The following SUMF1 variants were observed in gnomAD, a reference collection of about 807,000 sequenced individuals.
SUMF1 encodes the protein formylglycine-generating enzyme.
Under a neutral mutation model 47.6 loss-of-function variants are expected in SUMF1, and 48 were observed. That is an observed-to-expected ratio of 1.01 (90% CI 0.80 to 1.28). The LOEUF (loss-of-function observed/expected upper bound fraction) is 1.28, where lower values mean the gene tolerates loss of function less well. Among genes scored for constraint, SUMF1 ranks in the 50% most tolerant of loss-of-function variants. The pLI, the probability that SUMF1 is intolerant of heterozygous loss-of-function variation, is 0.00. For missense variants in SUMF1, 571 were observed against 485.4 expected (o/e 1.18, Z -1.66); for synonymous variants, 230 against 192.1 (o/e 1.20, Z -1.63).
At chr3:4,294,782 G>A (rs1697813017) in intron 8 of SUMF1, among the ~76,000 whole-genome samples, 2 of 152,014 alleles carry the variant, frequency 1.3e-5, no homozygotes, top group Admixed American at 1.3e-4. Context: ...AACATGACAT[G>A]GAAACAGCAA....
intron 8 of SUMF1, chr3:4,303,321 C>T (rs1698021619): frequency 2.0e-6 from 3 of 1,470,434 alleles, no homozygotes; most frequent in African/African-American, 1.5e-5. Context: ...CCAGCATCCA[C>T]CGCGCGGCCC....
intron 8 of SUMF1, among the ~76,000 whole-genome samples, chr3:4,276,245 T>C (rs898178345): frequency 5.9e-5 from 9 of 152,238 alleles, no homozygotes; most frequent in African/African-American, 1.2e-4. Context: ...TAATATTTAT[T>C]GCATTTCCTA....
Position 4,401,085 on chromosome 3 carries a change from A to C in SUMF1, c.954+9780T>G, listed in dbSNP as rs575150438. On this transcript the variant is annotated intron_variant, in intron 7 of 8. Transcript: ENST00000272902. ...AGGTGTCTGGTTTTCTGTCCTTGTG[A>C]TAGTTTGCTAAGAATGATGGTTTCC... Among the ~76,000 whole-genome samples the C allele has an allele frequency of 1.7e-4, 26 of 150,478 alleles. No homozygotes were observed. In the Admixed American group the frequency reaches 1.7e-3, roughly 10 times the overall value.
chr3:4,402,978 G>A (rs1267249933), intron 7 of SUMF1, among the ~76,000 whole-genome samples: 1 of 152,204 alleles, frequency 6.6e-6, no homozygotes, highest in East Asian at 1.9e-4. Flanking sequence ...GTGAGATACT[G>A]TTCTTCATTA....
intron 7 of SUMF1, among the ~76,000 whole-genome samples, chr3:4,394,116 T>TTTA (rs1334733825): frequency 6.6e-6 from 1 of 152,096 alleles, no homozygotes; most frequent in Non-Finnish European, 1.5e-5. Flanking sequence ...TAGTTTTGTT[T>TTTA]TTATTATTAT....
chr3:4,118,955 G>A (rs1693479391), intron 8 of SUMF1, among the ~76,000 whole-genome samples: 1 of 151,962 alleles, frequency 6.6e-6, no homozygotes, highest in Admixed American at 6.5e-5. Context: ...TGTATCCCTT[G>A]AGCTTGACTT....
downstream of SUMF1, among the ~76,000 whole-genome samples, chr3:4,359,030 G>T (rs1699683636): frequency 1.3e-5 from 2 of 152,142 alleles, no homozygotes; most frequent in African/African-American, 4.8e-5. Flanking sequence ...TGAGTAATCT[G>T]CCTCTACCCC....
At chr3:4,165,053 G>A (rs1286305981) in intron 8 of SUMF1, among the ~76,000 whole-genome samples, 1 of 152,122 alleles carries the variant, frequency 6.6e-6, no homozygotes, top group African/African-American at 2.4e-5. Context: ...AGGTCCCAGT[G>A]GGGATGCATA....
chr3:4,328,056 A>G (rs1348338401), intron 8 of SUMF1, among the ~76,000 whole-genome samples: 1 of 152,036 alleles, frequency 6.6e-6, no homozygotes, highest in Non-Finnish European at 1.5e-5. Flanking sequence ...CCTGTACAAA[A>G]AAAAATTAAA....
At chr3:4,115,484 C>A (rs1693400811) in intron 8 of SUMF1, among the ~76,000 whole-genome samples, 1 of 152,070 alleles carries the variant, frequency 6.6e-6, no homozygotes, top group Non-Finnish European at 1.5e-5. Context: ...CTGTAACACA[C>A]ACCCACTGGG....
intron 3 of SUMF1, among the ~76,000 whole-genome samples, chr3:4,422,777 T>TA (rs1559290360): frequency 9.5e-4 from 143 of 150,786 alleles, no homozygotes; most frequent in African/African-American, 3.2e-3. Flanking sequence ...CTTTTTTTTT[T>TA]TAAAAAAAAT....
chr3:4,456,429 G>C (rs2079600162), intron 1 of SUMF1, among the ~76,000 whole-genome samples: 1 of 150,104 alleles, frequency 6.7e-6, no homozygotes, highest in African/African-American at 2.4e-5. Context: ...TGTTGTCCCT[G>C]ACTGTAGATG....
chr3:4,284,389 G>A (rs752203760), intron 8 of SUMF1, among the ~76,000 whole-genome samples: 43 of 146,214 alleles, frequency 2.9e-4, no homozygotes, highest in Non-Finnish European at 5.8e-4. Flanking sequence ...CTCCAGCCTG[G>A]ATGACAAAAT....
rs1701767923 is a variant in SUMF1, at chr3:4,417,948, G to T, written c.725+62C>A. The T allele has an allele frequency of 1.9e-6, 3 of 1,610,694 alleles. No individual in the cohort carries two copies. The South Asian group carries it at 3.3e-5, about 18-fold the overall frequency. ...CAAAGTAAGTTCCATGGAGTTTTTTGTTGTTGTTTGTTTGTTCAAATGACC... is the reference window on the plus strand; with the variant it reads ...CAAAGTAAGTTCCATGGAGTTTTTTTTTGTTGTTTGTTTGTTCAAATGACC... On this transcript the variant is annotated intron_variant, in intron 5 of 8. Coordinates refer to ENST00000272902, the MANE Select transcript of SUMF1 (RefSeq NM_182760.4).
At chr3:4,295,692 G>T (rs888744434) in intron 8 of SUMF1, among the ~76,000 whole-genome samples, 9 of 152,116 alleles carry the variant, frequency 5.9e-5, no homozygotes, top group African/African-American at 2.2e-4. Flanking sequence ...TGGTGATATT[G>T]CAGGTTATAT....
intron 8 of SUMF1, among the ~76,000 whole-genome samples, chr3:4,276,683 G>A (rs780589912): frequency 6.6e-6 from 1 of 152,142 alleles, no homozygotes; most frequent in East Asian, 1.9e-4. Flanking sequence ...ATTTTCTATG[G>A]TTCTTGGGAA....
intron 3 of SUMF1, among the ~76,000 whole-genome samples, chr3:4,424,196 T>C (rs1263809168): frequency 1.3e-5 from 2 of 152,130 alleles, no homozygotes; most frequent in African/African-American, 4.8e-5. Context: ...CCTACACATA[T>C]TAGTACTATA....
chr3:4,102,881 G>A (rs1358254171), intron 8 of SUMF1, among the ~76,000 whole-genome samples: 1 of 151,472 alleles, frequency 6.6e-6, no homozygotes, highest in Non-Finnish European at 1.5e-5. Context: ...GAGGAAAGGA[G>A]AAAGAGGCAG....
intron 8 of SUMF1, among the ~76,000 whole-genome samples, chr3:4,220,242 C>T (rs1420024807): frequency 2.0e-5 from 3 of 152,102 alleles, no homozygotes; most frequent in Non-Finnish European, 2.9e-5. Flanking sequence ...GTGTGCTGCA[C>T]TTCATACGAG....
Sources: allele counts gnomAD v4.1 joint callset (sites outside exome capture counted in the v4.1 genomes callset), GRCh38; gene constraint gnomAD v4.1.1; transcripts MANE v1.5; gene names NCBI Gene and HGNC (gene_info 2026-07-23, HGNC 2026-07-21).